The following VTCN1 variants were observed in gnomAD, a reference collection of about 807,000 sequenced individuals.
VTCN1 encodes V-set domain-containing T-cell activation inhibitor 1.
A neutral mutation model predicts 26.5 loss-of-function variants in VTCN1; 26 were observed. The observed-to-expected ratio is 0.98, with a 90% CI of 0.72 to 1.36. VTCN1 has a LOEUF of 1.36. Ranked by LOEUF, VTCN1 falls within the 40% of genes most tolerant of loss-of-function variation. The pLI is 0.00. For missense variants in VTCN1, 298 were observed against 337.7 expected, an observed-to-expected ratio of 0.88 and a Z score of 0.92; for synonymous variants, 116 against 130.7, an observed-to-expected ratio of 0.89 and a Z score of 0.77.
chr1:117,204,001 T>G (rs1648919194), intron 1 of VTCN1, among the ~76,000 whole-genome samples: 1 of 152,176 alleles, frequency 6.6e-6, no homozygotes, highest in African/African-American at 2.4e-5. Context: ...CCACTTCAGG[T>G]GGCAGAGGAT....
intron 1 of VTCN1, among the ~76,000 whole-genome samples, chr1:117,194,957 G>A (rs1432823829): frequency 6.6e-6 from 1 of 152,022 alleles, no homozygotes; most frequent in Non-Finnish European, 1.5e-5. Context: ...ACAGCATGGG[G>A]CCTGTAGTTA....
At chr1:117,176,407 C>T (rs978855144) in intron 1 of VTCN1, among the ~76,000 whole-genome samples, 4 of 151,680 alleles carry the variant, frequency 2.6e-5, no homozygotes, top group East Asian at 1.9e-4. Context: ...GTCACCTCCT[C>T]GAGCACCTTT....
chr1:117,210,212 T>TCAG (rs71582595), intron 1 of VTCN1, among the ~76,000 whole-genome samples: 5,897 of 150,216 alleles, frequency 0.039, 226 homozygotes, highest in East Asian at 0.17. Context: ...TCTGGGGAGT[T>TCAG]CAGCAGCAGC....
intron 1 of VTCN1, 83 bp downstream of exon 1, chr1:117,210,741 C>G: frequency 1.4e-6 from 2 of 1,453,166 alleles, no homozygotes; most frequent in Non-Finnish European, 9.6e-7. Flanking sequence ...TCCTATGGGA[C>G]AGCCCAGCAG....
chr1:117,154,813 G>GA (rs1226877149), intron 3 of VTCN1, among the ~76,000 whole-genome samples: 2 of 140,414 alleles, frequency 1.4e-5, no homozygotes, highest in South Asian at 2.4e-4. Context: ...AGAAAGAAAA[G>GA]AAAAAAAAGA....
intron 1 of VTCN1, among the ~76,000 whole-genome samples, chr1:117,185,376 C>T (rs1647883368): frequency 6.6e-6 from 1 of 152,180 alleles, no homozygotes; most frequent in Non-Finnish European, 1.5e-5. Flanking sequence ...GAAAAAGTTT[C>T]CATGGGCTGC....
intron 3 of VTCN1, 92 bp from the exon 4 acceptor site, chr1:117,153,461 ATTTTTT>A (rs57126217): frequency 1.3e-5 from 14 of 1,117,366 alleles, no homozygotes; most frequent in African/African-American, 1.7e-5. Context: ...AAATGCAGTC[ATTTTTT>A]TTTTTTTTTT....
chr1:117,145,284 T>C lies in VTCN1; in HGVS notation c.*46-59A>G, dbSNP rs1651449984. On this transcript the variant is annotated intron_variant, in intron 5 of 5. Transcript: ENST00000369458. The surrounding 1 kb of genome is among the most constrained non-coding windows in gnomAD (Gnocchi z 4.6). ...ATTATAGCCATTCACAAAACAATTA[T>C]TGAGAACTGAGAGCTTCCCTGCCAC... 1.3e-5 allele frequency: 2 copies of C among 152,212 alleles called. No homozygotes were observed. The highest frequency in any genetic ancestry group is 1.3e-4 in the Admixed American group (2 of 15,286). The allele number at this position is 152,212 out of a possible 1,614,324, so 9.4% of individuals were successfully genotyped here. A position where few individuals can be genotyped will look rare whatever the true frequency, so the allele number is the denominator to read the frequency against.
At chr1:117,209,981 C>G (rs1337419549) in intron 1 of VTCN1, among the ~76,000 whole-genome samples, 5 of 152,192 alleles carry the variant, frequency 3.3e-5, no homozygotes. Context: ...AATTGGAGGA[C>G]TGGTCCTTCA....
At chr1:117,197,616 G>A (rs1648581574) in intron 1 of VTCN1, among the ~76,000 whole-genome samples, 1 of 152,156 alleles carries the variant, frequency 6.6e-6, no homozygotes, top group African/African-American at 2.4e-5. Flanking sequence ...TTAAGCCCCT[G>A]AAAACTCTGT....
Position 117,155,796 on chromosome 1 carries a change from G to A in VTCN1, c.445+778C>T, listed in dbSNP as rs924711933. Among the ~76,000 whole-genome samples the A allele has an allele frequency of 1.3e-5, 2 of 152,162 alleles. No individual in the cohort carries two copies. Among genetic ancestry groups the A allele is most frequent in the Non-Finnish European group, 2.9e-5 (2 of 68,018 alleles). ...CTATCCTTCAAGGCTCCCCTCAAATGCCAGCTTCTCCAGGGGGCTTTCCCA... is the reference window on the plus strand; with the variant it reads ...CTATCCTTCAAGGCTCCCCTCAAATACCAGCTTCTCCAGGGGGCTTTCCCA... On this transcript the variant is annotated intron_variant, in intron 3 of 5. Coordinates refer to ENST00000369458, the MANE Select transcript of VTCN1 (RefSeq NM_024626.4). This position sits in a 1 kb window ranked among gnomAD's most constrained non-coding sequence, Gnocchi z 4.8.
At position 117,147,565 on chromosome 1, in the gene VTCN1, C is replaced by A; in HGVS notation, c.*45+48G>T. On this transcript the variant is annotated intron_variant, in intron 5 of 5. Coordinates refer to ENST00000369458, the MANE Select transcript of VTCN1 (RefSeq NM_024626.4). The surrounding 1 kb of genome is among the most constrained non-coding windows in gnomAD (Gnocchi z 4.6). ...GGCTATCCGACTCTCATTAGGAGCACAAGCACCCACAGAACCAATATCCCA... is the reference window on the plus strand; with the variant it reads ...GGCTATCCGACTCTCATTAGGAGCAAAAGCACCCACAGAACCAATATCCCA... 1.3e-6 allele frequency: 2 copies of A among 1,507,866 alleles called. No individual in the cohort carries two copies. Among genetic ancestry groups the A allele is most frequent in the Non-Finnish European group, 8.9e-7 (1 of 1,119,156 alleles). The allele number at this position is 1,507,866 out of a possible 1,614,324, so 93.4% of individuals were successfully genotyped here. A position where few individuals can be genotyped will look rare whatever the true frequency, so the allele number is the denominator to read the frequency against.
At chr1:117,166,097 T>C (rs1309694588) in intron 2 of VTCN1, among the ~76,000 whole-genome samples, 2 of 152,190 alleles carry the variant, frequency 1.3e-5, no homozygotes. Context: ...GTTACTTCCA[T>C]CTATTCACAC....
In VTCN1 at chr1:117,147,845, CTGG is replaced by C; in HGVS notation, c.725-66_725-64del. 3 of 1,563,412 alleles carry C rather than the reference CTGG, an allele frequency of 1.9e-6. No homozygotes were observed. Among genetic ancestry groups the C allele is most frequent in the Non-Finnish European group, 2.6e-6 (3 of 1,159,620 alleles). On this transcript the variant is annotated intron_variant, in intron 4 of 5. Transcript: ENST00000369458. The surrounding 1 kb of genome is among the most constrained non-coding windows in gnomAD (Gnocchi z 4.6). ...GAAGCTGGATGTCTTCTTCACATGACTGGTTAGCAAAGAAAAGTACCTGAAAAA... is the reference window on the plus strand; with the variant it reads ...GAAGCTGGATGTCTTCTTCACATGACTTAGCAAAGAAAAGTACCTGAAAAA...
intron 2 of VTCN1, among the ~76,000 whole-genome samples, chr1:117,163,687 A>G (rs1652478657): frequency 6.6e-6 from 1 of 152,056 alleles, no homozygotes; most frequent in Non-Finnish European, 1.5e-5. Context: ...GTCAAACACA[A>G]CCTGGTCTGG....
chr1:117,202,610 G>A (rs1199541149), intron 1 of VTCN1, among the ~76,000 whole-genome samples: 2 of 152,174 alleles, frequency 1.3e-5, no homozygotes, highest in African/African-American at 2.4e-5. Context: ...GCTGCTAAGC[G>A]CTTTATGTCT....
chr1:117,204,852 C>T (rs1570996258), intron 1 of VTCN1, among the ~76,000 whole-genome samples: 2 of 6,408 alleles, frequency 3.1e-4, no homozygotes, highest in African/African-American at 3.4e-4. Flanking sequence ...GGCAACAGAG[C>T]GAGACTCTGT....
chr1:117,205,467 T>C (rs142249437), intron 1 of VTCN1, among the ~76,000 whole-genome samples: 158 of 152,186 alleles, frequency 1.0e-3, no homozygotes, highest in African/African-American at 3.6e-3. Flanking sequence ...CTGGCCAGCA[T>C]ATAATTCTTA....
At position 117,150,680 on chromosome 1, in the gene VTCN1, G is replaced by A. The variant is rs191611978; in HGVS notation, c.724+2411C>T. On this transcript the variant is annotated intron_variant, in intron 4 of 5. Coordinates refer to ENST00000369458, the MANE Select transcript of VTCN1 (RefSeq NM_024626.4). Reference sequence around the variant, plus strand: ...ATTTTTAAGTGTACAGTTCAGTAGTGTTAAGTATATCCACGTTGTTATAAA... The same window carrying A: ...ATTTTTAAGTGTACAGTTCAGTAGTATTAAGTATATCCACGTTGTTATAAA... Among the ~76,000 whole-genome samples, 24 of 152,318 alleles carry A rather than the reference G, an allele frequency of 1.6e-4. No homozygotes were observed. The East Asian group carries it at 1.9e-3, about 12-fold the overall frequency.
Sources: gnomAD v4.1 joint callset for allele counts (sites outside exome capture counted in the v4.1 genomes callset) on GRCh38, gnomAD v4.1.1 for gene constraint, Gnocchi (gnomAD v3.1) non-coding constraint, MANE v1.5 for transcripts, NCBI Gene and HGNC (gene_info 2026-07-23, HGNC 2026-07-21) for gene names.